Variants in LIPC observed in about 807,000 individuals in gnomAD.
LIPC encodes hepatic triacylglycerol lipase.
A neutral mutation model predicts 50.7 loss-of-function variants in LIPC; 44 were observed. That is an observed-to-expected ratio of 0.87 (90% CI 0.68 to 1.11). The LOEUF is 1.11. Among genes scored for constraint, LIPC ranks in the 50% most tolerant of loss-of-function variants. The probability of loss-of-function intolerance (pLI) is 0.00; values close to 1 mark genes in which losing one functional copy is unlikely to be tolerated. For synonymous variants in LIPC, 271 were observed against 256.4 expected (o/e 1.06, Z -0.54); for missense variants, 697 against 648.2 (o/e 1.08, Z -0.82).
chr15:58,442,628 T>C (rs1464484994), intron 1 of LIPC, among the ~76,000 whole-genome samples: 1 of 152,250 alleles, frequency 6.6e-6, no homozygotes, highest in Non-Finnish European at 1.5e-5. Context: ...TTTGCCTATT[T>C]ATGTCAATGA....
chr15:58,558,207 G>GGAC (rs1194791564), intron 6 of LIPC, among the ~76,000 whole-genome samples: 1 of 151,672 alleles, frequency 6.6e-6, no homozygotes, highest in Non-Finnish European at 1.5e-5. Context: ...CGAGTAGCTG[G>GGAC]GACTACAGGC....
intron 1 of LIPC, among the ~76,000 whole-genome samples, chr15:58,458,681 A>G (rs1377876967): frequency 6.6e-6 from 1 of 152,112 alleles, no homozygotes; most frequent in African/African-American, 2.4e-5. Flanking sequence ...CCCATCAGAA[A>G]CCAAAGAACT....
At chr15:58,560,830 ATCTCTCTCTT>A in intron 6 of LIPC, 24 bp from the exon 7 acceptor site, 1 of 862,110 alleles carries the variant, frequency 1.2e-6, no homozygotes, top group African/African-American at 1.6e-5. Context: ...TGCTTAAATT[ATCTCTCTCTT>A]TCTCTCTCTG....
intron 1 of LIPC, among the ~76,000 whole-genome samples, chr15:58,532,087 G>A (rs1248563287): frequency 6.6e-6 from 1 of 152,190 alleles, no homozygotes; most frequent in African/African-American, 2.4e-5. Flanking sequence ...TTGAGACACA[G>A]AATTACTTTC....
chr15:58,565,270 A>T, intron 8 of LIPC: 1 of 1,535,718 alleles, frequency 6.5e-7, no homozygotes, highest in Non-Finnish European at 8.7e-7. Flanking sequence ...CCATTGGAGC[A>T]GCGCTGCTTC....
At chr15:58,542,441 G>A (rs551991309) in intron 3 of LIPC, 93 bp from the exon 4 acceptor site, 20 of 833,586 alleles carry the variant, frequency 2.4e-5, no homozygotes, top group South Asian at 1.3e-4. Context: ...GAGCAGGCAC[G>A]AAGAACAGGG....
chr15:58,459,121 G>A (rs1193411946), intron 1 of LIPC, among the ~76,000 whole-genome samples: 1 of 152,160 alleles, frequency 6.6e-6, no homozygotes, highest in Non-Finnish European at 1.5e-5. Flanking sequence ...TATGTATTTT[G>A]TAGTTCTGCT....
chr15:58,545,628 T>G, intron 4 of LIPC, 114 bp from the exon 5 acceptor site: 1 of 862,376 alleles, frequency 1.2e-6, no homozygotes, highest in South Asian at 1.5e-5. Context: ...CAGCCCTACG[T>G]GTTTCTTCTT....
chr15:58,471,969 T>C (rs1348064572), intron 1 of LIPC, among the ~76,000 whole-genome samples: 3 of 152,132 alleles, frequency 2.0e-5, no homozygotes, highest in Non-Finnish European at 4.4e-5. Flanking sequence ...CCTTACACAT[T>C]TACTGGGTAC....
chr15:58,548,672 T>G, intron 6 of LIPC, 100 bp downstream of exon 6: 1 of 1,456,282 alleles, frequency 6.9e-7, no homozygotes, highest in Non-Finnish European at 9.3e-7. Flanking sequence ...GTGCTTCAGC[T>G]CTGCTGTTGC....
At chr15:58,519,504 C>G (rs930410207) in intron 1 of LIPC, among the ~76,000 whole-genome samples, 2 of 152,226 alleles carry the variant, frequency 1.3e-5, no homozygotes, top group Non-Finnish European at 2.9e-5. Context: ...CTGCTGCCCC[C>G]TCTGCCTCAC....
At chr15:58,559,344 T>G (rs934284060) in intron 6 of LIPC, among the ~76,000 whole-genome samples, 1 of 152,180 alleles carries the variant, frequency 6.6e-6, no homozygotes, top group Admixed American at 6.5e-5. Context: ...CCACAAAAGT[T>G]TATTAAGCAC....
At chr15:58,442,414 C>T (rs1048144790) in intron 1 of LIPC, among the ~76,000 whole-genome samples, 2 of 152,210 alleles carry the variant, frequency 1.3e-5, no homozygotes, top group African/African-American at 2.4e-5. Flanking sequence ...GAACAGCCCA[C>T]GCAGTCAATG....
intron 6 of LIPC, among the ~76,000 whole-genome samples, chr15:58,559,498 A>G (rs1476396178): frequency 2.6e-5 from 4 of 152,246 alleles, no homozygotes; most frequent in African/African-American, 9.6e-5. Context: ...ACATGGCCTC[A>G]GAATCCATCT....
chr15:58,503,319 C>T (rs562664957), intron 1 of LIPC, among the ~76,000 whole-genome samples: 1 of 152,104 alleles, frequency 6.6e-6, no homozygotes, highest in Non-Finnish European at 1.5e-5. Flanking sequence ...ACTGGATTTG[C>T]CTGTTGTGCA....
At chr15:58,565,052 C>T (rs1016489573) in intron 8 of LIPC, 9 of 721,276 alleles carry the variant, frequency 1.2e-5, no homozygotes, top group Non-Finnish European at 2.1e-5. Flanking sequence ...GGTTTCACTG[C>T]CAGATGCCGG....
chr15:58,566,273 G>T, intron 8 of LIPC: 1 of 985,458 alleles, frequency 1.0e-6, no homozygotes, highest in Non-Finnish European at 1.2e-6. Flanking sequence ...AGGAGGCCAA[G>T]AGGTGTTCCC....
rs953033350 is a variant in LIPC at position 58,554,549 on chromosome 15, T to C, written c.1051+5977T>C. Among the ~76,000 whole-genome samples, 3 of 79,106 alleles carry C rather than the reference T, an allele frequency of 3.8e-5. No individual in the cohort carries two copies. In the Admixed American group the frequency reaches 5.7e-4, roughly 15 times the overall value. 51.9% of individuals were successfully genotyped at this position (79,106 alleles called of 152,430 possible). On this transcript the variant is annotated intron_variant, in intron 6 of 8. Coordinates refer to ENST00000299022, the MANE Select transcript of LIPC (RefSeq NM_000236.3). ...ATGATAGGCAAATTGTCTTTTCTTT[T>C]CTTCCTTTTTTTTTTTTTTAAAGAA...
rs147973054 is a variant in LIPC, at chr15:58,458,321, G to A, written c.88+26201G>A. On this transcript the variant is annotated intron_variant, in intron 1 of 8. Transcript: ENST00000299022. ...CAATGGACTTCCCCTGAGCAAGGTC[G>A]GCTTATGCTATTGTTAGACCAGCAG... Among the ~76,000 whole-genome samples the A allele has an allele frequency of 4.6e-3, 704 of 152,266 alleles. 19 individuals are homozygous for A. The highest frequency in any genetic ancestry group is 0.033 in the Admixed American group (499 of 15,298).
Sources: allele counts gnomAD v4.1 joint callset (sites outside exome capture counted in the v4.1 genomes callset), GRCh38; gene constraint gnomAD v4.1.1; transcripts MANE v1.5; gene names NCBI Gene and HGNC (gene_info 2026-07-23, HGNC 2026-07-21).